The following FOXP1 variants were observed in gnomAD, a reference collection of about 807,000 sequenced individuals.
The protein encoded by FOXP1 is forkhead box protein P1.
Under a neutral mutation model 98.2 loss-of-function variants are expected in FOXP1, and 15 were observed. The ratio of observed to expected loss-of-function variants is 0.15; its 90% CI spans 0.10 to 0.24. The LOEUF is 0.24. Ranked by LOEUF, FOXP1 falls within the 10% of genes least tolerant of loss-of-function variation. The pLI is 1.00. For missense variants in FOXP1, 633 were observed against 848.5 expected (o/e 0.75, Z 3.15); for synonymous variants, 371 against 314.5 (o/e 1.18, Z -1.90).
At chr3:71,014,351 CAAAA>C (rs1439210990) in intron 12 of FOXP1, among the ~76,000 whole-genome samples, 2 of 152,120 alleles carry the variant, frequency 1.3e-5, no homozygotes, top group Non-Finnish European at 2.9e-5. Flanking sequence ...AGACACTTCT[CAAAA>C]GAAGACATTT....
intron 19 of FOXP1, chr3:70,966,412 A>C (rs1046183066): frequency 1.5e-5 from 5 of 328,250 alleles, no homozygotes; most frequent in African/African-American, 8.5e-5. Flanking sequence ...GTGAAATATA[A>C]TAGAATTTTT....
intron 1 of FOXP1, chr3:71,582,542 C>A: frequency 4.1e-6 from 4 of 985,418 alleles, no homozygotes; most frequent in Non-Finnish European, 4.8e-6. Flanking sequence ...GCCGGAGGGA[C>A]GAGGCGACAC....
chr3:71,172,532 G>A (rs2061702464), intron 6 of FOXP1, among the ~76,000 whole-genome samples: 1 of 152,142 alleles, frequency 6.6e-6, no homozygotes, highest in Non-Finnish European at 1.5e-5. Context: ...ATACTCCTCT[G>A]AGGTGTGCAG....
intron 7 of FOXP1, among the ~76,000 whole-genome samples, chr3:71,084,241 A>T (rs1039442521): frequency 6.6e-6 from 1 of 152,062 alleles, no homozygotes; most frequent in Non-Finnish European, 1.5e-5. Context: ...TCTTCAAGAC[A>T]TTTTCACCCT....
rs370482116 is a variant in FOXP1 at position 71,324,771 on chromosome 3, C to CAAAT, written c.-72-24895_-72-24892dup. 9.8e-3 allele frequency among the ~76,000 whole-genome samples: 1,485 copies of CAAAT among 151,918 alleles called. 26 individuals are homozygous for CAAAT. Among genetic ancestry groups the CAAAT allele is most frequent in the African/African-American group, 0.034 (1,408 of 41,430 alleles). On this transcript the variant is annotated intron_variant, in intron 4 of 20. Coordinates refer to ENST00000649528, the MANE Select transcript of FOXP1 (RefSeq NM_001349338.3). The stretch of plus-strand genomic sequence containing the variant: ...ACTAGAACTTAAAGTATAATAAAAA[C>CAAAT]AAATAAATAAATAAATAAATACATT...
At chr3:71,327,386 ATTT>A (rs550372415) in intron 4 of FOXP1, among the ~76,000 whole-genome samples, 5 of 33,640 alleles carry the variant, frequency 1.5e-4, no homozygotes, top group Admixed American at 5.2e-4. Flanking sequence ...TGTCCAGCTA[ATTT>A]TTTTTTTTTT....
intron 7 of FOXP1, among the ~76,000 whole-genome samples, chr3:71,076,109 T>C (rs553527315): frequency 3.3e-5 from 5 of 152,226 alleles, no homozygotes; most frequent in African/African-American, 1.2e-4. Context: ...ATTTATGGAA[T>C]CTTCGGCCTA....
intron 10 of FOXP1, 64 bp downstream of exon 10, chr3:71,046,878 G>A (rs2049099410): frequency 3.8e-6 from 6 of 1,568,964 alleles, no homozygotes; most frequent in Non-Finnish European, 5.3e-6. Flanking sequence ...TATACCAAGA[G>A]ACAACCCACC....
At chr3:71,470,518 T>C (rs1193101919) in intron 3 of FOXP1, among the ~76,000 whole-genome samples, 6 of 152,172 alleles carry the variant, frequency 3.9e-5, no homozygotes, top group East Asian at 3.8e-4. Context: ...GGAGGGCAGA[T>C]TGCCTGAGCT....
intron 2 of FOXP1, among the ~76,000 whole-genome samples, chr3:71,580,482 G>A (rs780985797): frequency 6.6e-6 from 1 of 152,086 alleles, no homozygotes; most frequent in East Asian, 1.9e-4. Flanking sequence ...TTTCCACTTT[G>A]AGAATCAAAA....
intron 10 of FOXP1, among the ~76,000 whole-genome samples, chr3:71,042,062 ACAGT>A (rs1402087993): frequency 2.6e-5 from 4 of 152,192 alleles, no homozygotes; most frequent in East Asian, 3.8e-4. Flanking sequence ...TCAACTTTTA[ACAGT>A]CAAATTGATT....
chr3:71,459,669 A>C (rs150089127), intron 3 of FOXP1, among the ~76,000 whole-genome samples: 97 of 152,354 alleles, frequency 6.4e-4, no homozygotes, highest in Non-Finnish European at 2.4e-4. Context: ...AAATCATATT[A>C]TTTTAGCCTC....
At chr3:71,280,126 C>CAAAAAAAAAAAAAAAAAAAAAAAAAA (rs56674677) in intron 5 of FOXP1, among the ~76,000 whole-genome samples, 1 of 106,208 alleles carries the variant, frequency 9.4e-6, no homozygotes. Context: ...CTGTCTCAAA[C>CAAAAAAAAAAAAAAAAAAAAAAAAAA]AAAAAAAAAA....
intron 12 of FOXP1, among the ~76,000 whole-genome samples, chr3:71,012,976 A>T (rs1448076988): frequency 6.6e-6 from 1 of 152,186 alleles, no homozygotes; most frequent in Non-Finnish European, 1.5e-5. Context: ...TAGGTTAATG[A>T]TTCAGTGATA....
chr3:71,232,818 A>G (rs1420640006), intron 5 of FOXP1, among the ~76,000 whole-genome samples: 1 of 140,408 alleles, frequency 7.1e-6, no homozygotes, highest in Non-Finnish European at 1.5e-5. Context: ...AGATCTCTTG[A>G]GCCCTGGCAA....
At chr3:71,579,177 C>T (rs963091367) in intron 2 of FOXP1, among the ~76,000 whole-genome samples, 1 of 151,832 alleles carries the variant, frequency 6.6e-6, no homozygotes, top group Non-Finnish European at 1.5e-5. Context: ...ATCCTGTTTC[C>T]TACTTTGTTC....
intron 4 of FOXP1, among the ~76,000 whole-genome samples, chr3:71,305,113 T>A (rs2074167132): frequency 6.6e-6 from 1 of 151,968 alleles, no homozygotes; most frequent in Non-Finnish European, 1.5e-5. Flanking sequence ...TTTCTCTGAG[T>A]CTGTTTTTAA....
intron 2 of FOXP1, chr3:71,581,264 G>T (rs1027717776): frequency 1.0e-6 from 1 of 985,218 alleles, no homozygotes; most frequent in Non-Finnish European, 1.2e-6. Context: ...GTGAGAAGGG[G>T]GGCGAGGATG....
At chr3:71,141,051 G>A (rs751360784) in intron 6 of FOXP1, among the ~76,000 whole-genome samples, 1 of 151,854 alleles carries the variant, frequency 6.6e-6, no homozygotes, top group Non-Finnish European at 1.5e-5. Flanking sequence ...GGTGGATCAC[G>A]AGGTCAAGAG....
Sources: allele counts gnomAD v4.1 joint callset (sites outside exome capture counted in the v4.1 genomes callset), GRCh38; gene constraint gnomAD v4.1.1; transcripts MANE v1.5; gene names NCBI Gene and HGNC (gene_info 2026-07-23, HGNC 2026-07-21).